The following CA10 variants were observed in gnomAD, a reference collection of about 807,000 sequenced individuals.
The protein encoded by CA10 is carbonic anhydrase-related protein 10.
In CA10, 14 loss-of-function variants were observed where a neutral mutation model predicts 44.2. The observed-to-expected ratio is 0.32, with a 90% CI of 0.21 to 0.50. The LOEUF (loss-of-function observed/expected upper bound fraction) is 0.50. Among genes scored for constraint, CA10 ranks in the 20% least tolerant of loss-of-function variants. CA10 has a pLI of 0.99. For synonymous variants in CA10, 159 were observed against 141.6 expected (o/e 1.12, Z -0.87); for missense variants, 350 against 409.7 (o/e 0.85, Z 1.26).
At chr17:51,914,717 A>G (rs1436291911) in intron 3 of CA10, among the ~76,000 whole-genome samples, 2 of 152,158 alleles carry the variant, frequency 1.3e-5, no homozygotes, top group African/African-American at 4.8e-5. Context: ...AGCCCTTGAT[A>G]TAGATGGAAT....
intron 2 of CA10, among the ~76,000 whole-genome samples, chr17:52,007,428 ATTT>A (rs1252700660): frequency 6.6e-6 from 1 of 151,588 alleles, no homozygotes; most frequent in Non-Finnish European, 1.5e-5. Flanking sequence ...GTCGATAAGA[ATTT>A]TTATTATGAA....
chr17:52,157,089 A>C (rs16951064), intron 1 of CA10, among the ~76,000 whole-genome samples: 6,723 of 152,252 alleles, frequency 0.044, 206 homozygotes, highest in South Asian at 0.074. Context: ...CATCCTTGCT[A>C]CTGGGAATTA....
At chr17:51,986,184 G>C (rs781212431) in intron 2 of CA10, among the ~76,000 whole-genome samples, 1 of 151,988 alleles carries the variant, frequency 6.6e-6, no homozygotes, top group Non-Finnish European at 1.5e-5. Context: ...ACAGAATAGA[G>C]AACCCAGAAA....
intron 3 of CA10, among the ~76,000 whole-genome samples, chr17:51,849,812 C>T (rs566822732): frequency 1.8e-4 from 28 of 152,330 alleles, no homozygotes; most frequent in African/African-American, 6.0e-4. Context: ...ATCACAGCCG[C>T]TGTCATGCCG....
intron 6 of CA10, among the ~76,000 whole-genome samples, chr17:51,645,502 G>C (rs1453557016): frequency 1.3e-5 from 2 of 152,190 alleles, no homozygotes; most frequent in South Asian, 4.1e-4. Flanking sequence ...CTTAGGTCAG[G>C]ATGTACTTGA....
At chr17:51,833,507 A>C (rs1337245897) in intron 3 of CA10, among the ~76,000 whole-genome samples, 2 of 152,226 alleles carry the variant, frequency 1.3e-5, no homozygotes, top group African/African-American at 4.8e-5. Context: ...CACTGAACTT[A>C]CTAGAGGTCT....
intron 3 of CA10, among the ~76,000 whole-genome samples, chr17:51,878,161 A>G (rs947000018): frequency 1.7e-4 from 26 of 150,130 alleles, no homozygotes; most frequent in African/African-American, 5.2e-4. Flanking sequence ...AAAAAAAAAA[A>G]AAAAAAGAAA....
intron 3 of CA10, among the ~76,000 whole-genome samples, chr17:51,756,563 G>A (rs368077863): frequency 2.0e-5 from 3 of 146,702 alleles, no homozygotes; most frequent in African/African-American, 5.1e-5. Flanking sequence ...TCCGCCTCCC[G>A]GGTTCACGCC....
intron 2 of CA10, among the ~76,000 whole-genome samples, chr17:52,066,198 T>C (rs1469359272): frequency 3.9e-5 from 6 of 152,148 alleles, no homozygotes; most frequent in African/African-American, 1.4e-4. Flanking sequence ...ATACCCAAAA[T>C]GTGAAAGTGA....
chr17:51,875,960 A>G (rs893413561), intron 3 of CA10, among the ~76,000 whole-genome samples: 17 of 152,210 alleles, frequency 1.1e-4, no homozygotes, highest in African/African-American at 3.9e-4. Flanking sequence ...TGCCTTTGAG[A>G]TTCATATATG....
intron 2 of CA10, among the ~76,000 whole-genome samples, chr17:51,998,822 C>T (rs1598159298): frequency 6.6e-6 from 1 of 151,952 alleles, no homozygotes; most frequent in Admixed American, 6.6e-5. Flanking sequence ...TCAGGCAGGC[C>T]ATCAGCTGAG....
intron 4 of CA10, among the ~76,000 whole-genome samples, chr17:51,665,559 G>A (rs1914176406): frequency 6.6e-6 from 1 of 152,204 alleles, no homozygotes; most frequent in Non-Finnish European, 1.5e-5. Context: ...GATGCATTCT[G>A]AGAAATGTGT....
chr17:51,892,943 T>C (rs1257756853), intron 3 of CA10, among the ~76,000 whole-genome samples: 1 of 152,162 alleles, frequency 6.6e-6, no homozygotes, highest in Non-Finnish European at 1.5e-5. Flanking sequence ...AATAAACTAC[T>C]TGTATTAGAC....
At chr17:51,893,882 C>T (rs910367829) in intron 3 of CA10, among the ~76,000 whole-genome samples, 12 of 152,088 alleles carry the variant, frequency 7.9e-5, no homozygotes, top group African/African-American at 2.9e-4. Context: ...TTCACGTATA[C>T]ATTTTTGAAA....
intron 2 of CA10, among the ~76,000 whole-genome samples, chr17:52,017,289 A>G (rs986904761): frequency 6.6e-6 from 1 of 152,172 alleles, no homozygotes; most frequent in African/African-American, 2.4e-5. Context: ...GAAGGCAGGA[A>G]GAAAGATGAA....
At chr17:52,050,047 G>A (rs1433291554) in intron 2 of CA10, among the ~76,000 whole-genome samples, 2 of 152,036 alleles carry the variant, frequency 1.3e-5, no homozygotes, top group Non-Finnish European at 2.9e-5. Context: ...ATAGGTTTGT[G>A]TAAGTGCACT....
chr17:51,766,582 G>A (rs529932102), intron 3 of CA10, among the ~76,000 whole-genome samples: 1 of 152,160 alleles, frequency 6.6e-6, no homozygotes, highest in South Asian at 2.1e-4. Flanking sequence ...AATTTGCTGG[G>A]CAATCTATCT....
At chr17:51,913,642 T>TAGAATGCTGTTGC (rs11275684) in intron 3 of CA10, among the ~76,000 whole-genome samples, 1 of 151,582 alleles carries the variant, frequency 6.6e-6, no homozygotes, top group East Asian at 1.9e-4. Flanking sequence ...AAGAGTGGAG[T>TAGAATGCTGTTGC]GTTAGAGAAG....
intron 1 of CA10, among the ~76,000 whole-genome samples, chr17:52,124,657 A>T (rs1305824185): frequency 2.6e-5 from 4 of 152,150 alleles, no homozygotes; most frequent in Non-Finnish European, 4.4e-5. Flanking sequence ...CAGTACCCAA[A>T]CCATGCTAAC....
Sources: allele counts gnomAD v4.1 joint callset (sites outside exome capture counted in the v4.1 genomes callset), GRCh38; gene constraint gnomAD v4.1.1; transcripts MANE v1.5; gene names NCBI Gene and HGNC (gene_info 2026-07-23, HGNC 2026-07-21).